DOCK10: variants seen among roughly 807,000 people sequenced by gnomAD.
DOCK10 encodes the protein dedicator of cytokinesis 10.
In DOCK10, 145 loss-of-function variants were observed where a neutral mutation model predicts 280.1. The observed-to-expected ratio is 0.52, with a 90% CI of 0.45 to 0.59. The LOEUF (loss-of-function observed/expected upper bound fraction) is 0.59. Ranked by LOEUF, DOCK10 falls within the 20% of genes least tolerant of loss-of-function variation. The pLI is 0.00. For synonymous variants in DOCK10, 915 were observed against 942.2 expected (o/e 0.97, Z 0.53); for missense variants, 2,368 against 2,651.7 (o/e 0.89, Z 2.35).
At chr2:224,937,187 A>T (rs1702738612) in intron 1 of DOCK10, among the ~76,000 whole-genome samples, 1 of 152,166 alleles carries the variant, frequency 6.6e-6, no homozygotes, top group Non-Finnish European at 1.5e-5. Flanking sequence ...GTCACAAAGG[A>T]TTAGAAATCA....
chr2:224,859,927 C>CT (rs1337139757), intron 14 of DOCK10, among the ~76,000 whole-genome samples: 1 of 152,140 alleles, frequency 6.6e-6, no homozygotes, highest in Admixed American at 6.5e-5. Context: ...ATCTTTTATA[C>CT]TTTTTTGTGG....
chr2:224,829,201 C>T (rs879858605), intron 27 of DOCK10, among the ~76,000 whole-genome samples: 1 of 152,192 alleles, frequency 6.6e-6, no homozygotes, highest in South Asian at 2.1e-4. Context: ...CATGTCTGCC[C>T]TGATAGAGTG....
intron 47 of DOCK10, among the ~76,000 whole-genome samples, chr2:224,790,923 TATATC>T (rs1430297343): frequency 6.6e-6 from 1 of 152,230 alleles, no homozygotes; most frequent in Non-Finnish European, 1.5e-5. Context: ...AATATGCTAA[TATATC>T]ATAGCATATA....
At chr2:224,860,422 G>A (rs1697424475) in intron 14 of DOCK10, among the ~76,000 whole-genome samples, 1 of 151,926 alleles carries the variant, frequency 6.6e-6, no homozygotes, top group Admixed American at 6.6e-5. Flanking sequence ...ATCTTTTATT[G>A]GGTACATATC....
intron 3 of DOCK10, among the ~76,000 whole-genome samples, chr2:224,898,836 A>G (rs2125841615): frequency 6.6e-6 from 1 of 152,312 alleles, no homozygotes; most frequent in South Asian, 2.1e-4. Context: ...TGGCCTCCAA[A>G]AGTGCTGGAA....
In DOCK10 at chr2:224,787,012, G is replaced by C; in HGVS notation, c.5655+10C>G. 1 of 1,601,812 alleles carries C rather than the reference G, an allele frequency of 6.2e-7. No homozygotes were observed. Among genetic ancestry groups the C allele is most frequent in the Non-Finnish European group, 8.6e-7 (1 of 1,168,882 alleles). On this transcript the variant is annotated intron_variant, in intron 50 of 55. Coordinates refer to ENST00000258390, the MANE Select transcript of DOCK10 (RefSeq NM_014689.3). The stretch of plus-strand genomic sequence containing the variant: ...GAATTTATGGGCCGTGTTATTTCTG[G>C]TGAACTTACCTGCCCATAAAATGCC...
chr2:224,934,639 T>C (rs1702584195), intron 1 of DOCK10, among the ~76,000 whole-genome samples: 1 of 152,170 alleles, frequency 6.6e-6, no homozygotes, highest in South Asian at 2.1e-4. Context: ...TATACAAGGA[T>C]GGTGGGATCA....
Position 224,786,997 on chromosome 2 carries a change from G to A in DOCK10, c.5655+25C>T. ...TTCAACTGCTCAGCAGAATTTATGG[G>A]CCGTGTTATTTCTGGTGAACTTACC... On this transcript the variant is annotated intron_variant, in intron 50 of 55. Transcript: ENST00000258390. This position sits in a 1 kb window ranked among gnomAD's most constrained non-coding sequence, Gnocchi z 4.7. The A allele has an allele frequency of 2.0e-6, 3 of 1,527,768 alleles. No individual in the cohort carries two copies. The highest frequency in any genetic ancestry group is 2.7e-6 in the Non-Finnish European group (3 of 1,101,338). 94.6% of individuals were successfully genotyped at this position (1,527,768 alleles called of 1,614,324 possible).
At chr2:224,860,177 G>T (rs1046040042) in intron 14 of DOCK10, among the ~76,000 whole-genome samples, 2 of 152,142 alleles carry the variant, frequency 1.3e-5, no homozygotes, top group African/African-American at 4.8e-5. Context: ...CCTCCCTAGA[G>T]ACTTCATCTG....
chr2:225,003,232 G>A (rs1170313508), intron 1 of DOCK10, among the ~76,000 whole-genome samples: 1 of 151,958 alleles, frequency 6.6e-6, no homozygotes, highest in African/African-American at 2.4e-5. Context: ...TTTAGTAGAG[G>A]CAGGATTTCA....
At chr2:224,957,833 C>T (rs1186591436) in intron 1 of DOCK10, among the ~76,000 whole-genome samples, 2 of 152,206 alleles carry the variant, frequency 1.3e-5, no homozygotes, top group Admixed American at 6.5e-5. Flanking sequence ...TGCAGCTTCA[C>T]TTGCCTGGAA....
intron 4 of DOCK10, among the ~76,000 whole-genome samples, chr2:224,890,060 G>C (rs1699567150): frequency 6.6e-6 from 1 of 152,226 alleles, no homozygotes; most frequent in Admixed American, 6.5e-5. Context: ...GAAAACCAAG[G>C]AAGAGGCAAC....
rs1338080904 is a variant in DOCK10 at position 225,040,511 on chromosome 2, T to TGC, written c.123+1739_123+1740dup. Among the ~76,000 whole-genome samples, 3 of 85,446 alleles carry TGC rather than the reference T, an allele frequency of 3.5e-5. No homozygotes were observed. In the South Asian group the frequency reaches 1.4e-3, roughly 39 times the overall value. The allele number at this position is 85,446 out of a possible 152,430, so 56.1% of individuals were successfully genotyped here. On this transcript the variant is annotated intron_variant, in intron 1 of 55. Coordinates refer to ENST00000258390, the MANE Select transcript of DOCK10 (RefSeq NM_014689.3). ...TCTGACATAATTTTGGAGAAAGCAGTGCGTGTGTGTGTGTGTGTGTGTGTG... is the reference window on the plus strand; with the variant it reads ...TCTGACATAATTTTGGAGAAAGCAGTGCGCGTGTGTGTGTGTGTGTGTGTGTG...
intron 25 of DOCK10, among the ~76,000 whole-genome samples, chr2:224,835,379 A>T (rs1174536349): frequency 6.6e-6 from 1 of 152,236 alleles, no homozygotes; most frequent in Non-Finnish European, 1.5e-5. Flanking sequence ...AATCACTGTT[A>T]ACCATGGCAT....
chr2:224,921,727 A>G (rs1701762179), intron 2 of DOCK10, among the ~76,000 whole-genome samples: 1 of 152,218 alleles, frequency 6.6e-6, no homozygotes, highest in Non-Finnish European at 1.5e-5. Context: ...AGGAAAGAGA[A>G]TACATGTATG....
chr2:224,801,717 G>A (rs1333571373), intron 40 of DOCK10, among the ~76,000 whole-genome samples, 199 bp downstream of exon 40: 4 of 152,052 alleles, frequency 2.6e-5, no homozygotes, highest in Non-Finnish European at 4.4e-5. Flanking sequence ...ATATGATATT[G>A]AGGGTTTTGC....
intron 1 of DOCK10, among the ~76,000 whole-genome samples, chr2:225,011,961 G>C (rs984474670): frequency 2.6e-5 from 4 of 152,008 alleles, no homozygotes; most frequent in Non-Finnish European, 5.9e-5. Flanking sequence ...ATGTACTGTC[G>C]GGAAGAAGAA....
intron 28 of DOCK10, among the ~76,000 whole-genome samples, chr2:224,821,851 C>G (rs1179874260): frequency 6.6e-6 from 1 of 152,104 alleles, no homozygotes; most frequent in Non-Finnish European, 1.5e-5. Context: ...CTTTTCCCCC[C>G]TTTAAACTTT....
intron 2 of DOCK10, among the ~76,000 whole-genome samples, chr2:224,918,848 GGTGT>G (rs932892387): frequency 8.3e-5 from 12 of 143,736 alleles, no homozygotes; most frequent in East Asian, 4.4e-4. Context: ...GGGCATGTGT[GGTGT>G]GTGTGTGGCG....
Sources: allele counts gnomAD v4.1 joint callset (sites outside exome capture counted in the v4.1 genomes callset), GRCh38; gene constraint gnomAD v4.1.1; non-coding constraint Gnocchi (gnomAD v3.1); transcripts MANE v1.5; gene names NCBI Gene and HGNC (gene_info 2026-07-23, HGNC 2026-07-21).